Variants in KBTBD11 observed in about 807,000 individuals in gnomAD.
KBTBD11 encodes kelch repeat and BTB domain-containing protein 11.
For missense variants in KBTBD11, 1,390 were observed against 1,001.8 expected (o/e 1.39, Z -5.23); for synonymous variants, 747 against 499.0 (o/e 1.50, Z -6.63).
Position 2,002,486 on chromosome 8 carries a change from G to C in KBTBD11, c.1294G>C (p.Ala432Pro). The change falls in exon 2 of 2, where the codon GCC (alanine) becomes CCC (proline). Residue 432 changes from alanine to proline, a missense_variant. Ala to Pro is a conservative substitution (Grantham distance 27, BLOSUM62 -1). Transcript: ENST00000320248. This position sits in a 1 kb window ranked among gnomAD's most constrained non-coding sequence, Gnocchi z 4.1. ...CAGCGTGGAGCGCTACGACCCGCGC[G>C]CCGACCGCTGGGCCCCCGTGGCGCC... ...LLSVERYDPR[A>P]DRWAPVAPLP... The C allele has an allele frequency of 6.6e-7, 1 of 1,507,604 alleles. No homozygotes were observed. 93.4% of individuals were successfully genotyped at this position (1,507,604 alleles called of 1,614,324 possible). A position where few individuals can be genotyped will look rare whatever the true frequency, so the allele number is the denominator to read the frequency against.
intron 1 of KBTBD11, among the ~76,000 whole-genome samples, chr8:1,983,677 A>G (rs949596624): frequency 7.9e-5 from 12 of 152,178 alleles, no homozygotes; most frequent in Non-Finnish European, 1.5e-4. Context: ...TGTGTTACCT[A>G]TAGGACCTGG....
Position 2,002,797 on chromosome 8 carries a change from C to G in KBTBD11, c.1605C>G (p.Ser535Arg). 4.8e-6 allele frequency: 7 copies of G among 1,453,562 alleles called. No individual in the cohort carries two copies. The highest frequency in any genetic ancestry group is 6.3e-6 in the Non-Finnish European group (7 of 1,111,448). The allele number at this position is 1,453,562 out of a possible 1,614,324, so 90.0% of individuals were successfully genotyped here. The change falls in exon 2 of 2, where the codon AGC (serine) becomes AGG (arginine). Residue 535 changes from serine (S) to arginine (R), a missense_variant. Ser to Arg is a moderately radical substitution (Grantham distance 110). Coordinates refer to ENST00000320248, the MANE Select transcript of KBTBD11 (RefSeq NM_014867.3). This position sits in a 1 kb window ranked among gnomAD's most constrained non-coding sequence, Gnocchi z 4.1. The part of the protein sequence containing the change: ...SRYHCLAKQW[S>R]PCVAPLRLPG... The stretch of plus-strand genomic sequence containing the variant: ...ACCACTGCCTGGCCAAGCAGTGGAG[C>G]CCGTGCGTCGCGCCCCTGCGCCTCC...
chr8:1,984,392 C>T (rs1272704075), intron 1 of KBTBD11, among the ~76,000 whole-genome samples: 3 of 150,316 alleles, frequency 2.0e-5, no homozygotes, highest in Non-Finnish European at 2.9e-5. Flanking sequence ...GGGTTCACGC[C>T]GTTCTCCTGC....
At position 2,003,804 on chromosome 8, in the gene KBTBD11, C is replaced by G. The variant is rs532978734; in HGVS notation, c.*740C>G. On this transcript the variant is annotated 3_prime_UTR_variant, in exon 2 of 2. Coordinates refer to ENST00000320248, the MANE Select transcript of KBTBD11 (RefSeq NM_014867.3). ...TGTTAACTGATGTAGCGATGATTTA[C>G]CATTATTTAAATTTTAAGTCTTCAG... 3 of 167,018 alleles carry G rather than the reference C, an allele frequency of 1.8e-5. No homozygotes were observed. In the East Asian group the frequency reaches 5.8e-4, roughly 32 times the overall value. 10.3% of individuals were successfully genotyped at this position (167,018 alleles called of 1,614,324 possible). A position where few individuals can be genotyped will look rare whatever the true frequency, so the allele number is the denominator to read the frequency against.
rs1435180773 is a variant in KBTBD11 at position 2,005,888 on chromosome 8, G to A, written c.*2824G>A. 4.8e-5 allele frequency: 8 copies of A among 167,080 alleles called. No homozygotes were observed. The highest frequency in any genetic ancestry group is 1.7e-4 in the African/African-American group (7 of 41,452). The allele number at this position is 167,080 out of a possible 1,614,324, so 10.3% of individuals were successfully genotyped here. ...TGCTTAGTTGACAGCAATCCCTTCT[G>A]TATTGCCAATCAAGGTTCATTTGAG... is the stretch of plus-strand genomic sequence containing the variant. On this transcript the variant is annotated 3_prime_UTR_variant, in exon 2 of 2. Transcript: ENST00000320248.
chr8:1,994,489 C>T (rs1284264188), intron 1 of KBTBD11, among the ~76,000 whole-genome samples: 7 of 152,224 alleles, frequency 4.6e-5, no homozygotes, highest in African/African-American at 7.2e-5. Context: ...TGGCTGATGG[C>T]GTGGGCAGTG....
At chr8:1,980,579 C>T (rs1816506724) in intron 1 of KBTBD11, among the ~76,000 whole-genome samples, 1 of 152,242 alleles carries the variant, frequency 6.6e-6, no homozygotes, top group Non-Finnish European at 1.5e-5. Flanking sequence ...TGCCTCCACA[C>T]TGCAGGCAGC....
At chr8:1,993,799 C>G (rs1817024367) in intron 1 of KBTBD11, among the ~76,000 whole-genome samples, 1 of 151,828 alleles carries the variant, frequency 6.6e-6, no homozygotes, top group African/African-American at 2.4e-5. Context: ...AGAGAATGCA[C>G]CATGGCAGCT....
At chr8:1,984,279 GTTTTTTTTT>G (rs71211539) in intron 1 of KBTBD11, among the ~76,000 whole-genome samples, 168 of 98,552 alleles carry the variant, frequency 1.7e-3, no homozygotes, top group Middle Eastern at 6.7e-3. Flanking sequence ...CTCTAAAAAA[GTTTTTTTTT>G]TTTTTTTTTT....
Position 2,001,323 on chromosome 8 carries a change from G to C in KBTBD11, c.131G>C (p.Ser44Thr), listed in dbSNP as rs1330275519. ...PCSLGASLCF[S>T]SGEESPPQSL... ...AGTCTCGGCGCGTCCCTGTGCTTCA[G>C]CTCCGGGGAAGAGTCCCCGCCGCAG... Residue 44 changes from serine to threonine, a missense_variant, in exon 2 of 2, where the codon AGC (serine) becomes ACC (threonine). Transcript: ENST00000320248. 4 of 1,517,914 alleles carry C rather than the reference G, an allele frequency of 2.6e-6. No individual in the cohort carries two copies. Among genetic ancestry groups the C allele is most frequent in the Non-Finnish European group, 3.5e-6 (4 of 1,140,846 alleles). The allele number at this position is 1,517,914 out of a possible 1,614,324, so 94.0% of individuals were successfully genotyped here. A position where few individuals can be genotyped will look rare whatever the true frequency, so the allele number is the denominator to read the frequency against.
intron 1 of KBTBD11, among the ~76,000 whole-genome samples, chr8:1,991,862 G>A (rs1411808477): frequency 6.6e-6 from 1 of 152,066 alleles, no homozygotes; most frequent in Non-Finnish European, 1.5e-5. Context: ...CGACCTGGGT[G>A]TGTCTGACAC....
intron 1 of KBTBD11, among the ~76,000 whole-genome samples, chr8:1,996,993 C>T (rs922659860): frequency 2.0e-5 from 3 of 152,090 alleles, no homozygotes; most frequent in Admixed American, 6.6e-5. Context: ...AAACTGGTCA[C>T]TCCCTGTCTC....
chr8:1,987,896 C>G (rs369571131), intron 1 of KBTBD11, among the ~76,000 whole-genome samples: 1 of 152,056 alleles, frequency 6.6e-6, no homozygotes, highest in African/African-American at 2.4e-5. Context: ...CCCCAGCCCC[C>G]GACGGGCCCC....
Position 2,002,028 on chromosome 8 carries a change from C to T in KBTBD11, c.836C>T (p.Ala279Val). Residue 279 changes from alanine (A) to valine (V), a missense_variant, in exon 2 of 2, where the codon GCA becomes GTA. Ala to Val is a moderately conservative substitution (Grantham distance 64). Coordinates refer to ENST00000320248, the MANE Select transcript of KBTBD11 (RefSeq NM_014867.3). This position sits in a 1 kb window ranked among gnomAD's most constrained non-coding sequence, Gnocchi z 4.1. ...GCCGTGTTCGGCCGCCTGTCGGGCG[C>T]AGAGCGGGACCTGCTGCTGCGCCGC... ...EPAVFGRLSG[A>V]ERDLLLRRRL... The T allele has an allele frequency of 7.3e-7, 1 of 1,372,288 alleles. No homozygotes were observed. The highest frequency in any genetic ancestry group is 1.4e-5 in the South Asian group (1 of 73,398). The allele number at this position is 1,372,288 out of a possible 1,614,324, so 85.0% of individuals were successfully genotyped here.
intron 1 of KBTBD11, chr8:1,974,659 C>T: frequency 1.0e-6 from 1 of 985,372 alleles, no homozygotes; most frequent in Middle Eastern, 5.2e-4. Flanking sequence ...CTTGCAGCCC[C>T]CGCCCCATGT....
intron 1 of KBTBD11, among the ~76,000 whole-genome samples, chr8:1,984,316 T>C (rs1158612908): frequency 1.6e-5 from 2 of 128,114 alleles, no homozygotes. Flanking sequence ...TGAGACAGAG[T>C]CTTGCACTTT....
At chr8:1,989,747 C>T (rs1464404133) in intron 1 of KBTBD11, among the ~76,000 whole-genome samples, 5 of 152,090 alleles carry the variant, frequency 3.3e-5, no homozygotes, top group East Asian at 1.9e-4. Flanking sequence ...ACCTCCCTTG[C>T]GTCTGGCTGC....
Position 2,002,263 on chromosome 8 carries a change from C to T in KBTBD11, c.1071C>T (p.Leu357=), listed in dbSNP as rs919767776. ...APARGCGLCV[L]YNYLFVAGGV... is the part of the protein sequence containing the mutation. ...CGCGGGGCTGCGGCCTGTGCGTCCT[C>T]TACAACTACCTCTTCGTGGCGGGCG... is the stretch of plus-strand genomic sequence containing the variant. Residue 357 remains leucine (L), a synonymous_variant, in exon 2 of 2, where the codon CTC becomes CTT. Transcript: ENST00000320248. The surrounding 1 kb of genome is among the most constrained non-coding windows in gnomAD (Gnocchi z 4.1). 7.6e-7 allele frequency: 1 copy of T among 1,316,854 alleles called. No homozygotes were observed. The highest frequency in any genetic ancestry group is 9.6e-7 in the Non-Finnish European group (1 of 1,041,122). 81.6% of individuals were successfully genotyped at this position (1,316,854 alleles called of 1,614,324 possible).
chr8:1,974,696 G>T, intron 1 of KBTBD11: 1 of 985,458 alleles, frequency 1.0e-6, no homozygotes, highest in Non-Finnish European at 1.2e-6. Context: ...GGCGGTCTGG[G>T]CGGGATTCCG....
Sources: gnomAD v4.1 joint callset for allele counts (sites outside exome capture counted in the v4.1 genomes callset) on GRCh38, gnomAD v4.1.1 for gene constraint, Gnocchi (gnomAD v3.1) non-coding constraint, MANE v1.5 for transcripts, NCBI Gene and HGNC (gene_info 2026-07-23, HGNC 2026-07-21) for gene names.